TMCC2: variants seen among roughly 807,000 people sequenced by gnomAD.
TMCC2 encodes the protein transmembrane and coiled-coil domains protein 2.
TMCC2 carries 16 observed loss-of-function variants against 49.4 expected under a neutral mutation model. The observed-to-expected ratio is 0.32, with a 90% CI of 0.22 to 0.49. TMCC2 has a LOEUF of 0.49. Ranked by LOEUF, TMCC2 falls within the 20% of genes least tolerant of loss-of-function variation. The probability of loss-of-function intolerance (pLI) is 0.99; values close to 1 mark genes in which losing one functional copy is unlikely to be tolerated. For missense variants in TMCC2, 762 were observed against 989.8 expected (o/e 0.77, Z 3.09); for synonymous variants, 397 against 434.1 (o/e 0.91, Z 1.06).
chr1:205,257,363 A>C (rs1660919618), intron 2 of TMCC2: 2 of 1,232,188 alleles, frequency 1.6e-6, no homozygotes, highest in Admixed American at 4.2e-5. Flanking sequence ...CAGTGCCCAC[A>C]CAGGTGAGGC....
chr1:205,246,521 A>T, intron 2 of TMCC2: 1 of 1,508,408 alleles, frequency 6.6e-7, no homozygotes, highest in South Asian at 1.3e-5. Flanking sequence ...CCTAGCCTCC[A>T]CTGGGGAGAA....
Position 205,271,241 on chromosome 1 carries a change from G to A in TMCC2, c.1804G>A (p.Ala602Thr), listed in dbSNP as rs757798815. Residue 602 changes from alanine (A) to threonine (T), a missense_variant, in exon 4 of 5, where the codon GCA (alanine) becomes ACA (threonine). Ala to Thr is a moderately conservative substitution (Grantham distance 58, BLOSUM62 0). Transcript: ENST00000358024. Reference protein sequence around the residue: ...EKVAYQSYERARDIQEAVESC... With the variant: ...EKVAYQSYERTRDIQEAVESC... ...GGTGGCCTACCAGTCCTATGAGAGG[G>A]CACGGGACATCCAGGTATGGCCAGG... 1.9e-6 allele frequency: 3 copies of A among 1,614,140 alleles called. No homozygotes were observed. Among genetic ancestry groups the A allele is most frequent in the Non-Finnish European group, 2.5e-6 (3 of 1,180,034 alleles).
chr1:205,266,458 C>T (rs1483814551), intron 2 of TMCC2, among the ~76,000 whole-genome samples: 3 of 150,756 alleles, frequency 2.0e-5, no homozygotes, highest in Non-Finnish European at 3.0e-5. Context: ...CCGGGCGTGG[C>T]GGCTCATGCC....
Position 205,241,865 on chromosome 1 carries a change from C to A in TMCC2, c.568C>A (p.Pro190Thr). ...SRRTKSSSLEPQRGSPHLLRK... is the reference protein window; with the variant it reads ...SRRTKSSSLETQRGSPHLLRK... ...GCGCACCAAGAGTAGCTCCCTGGAG[C>A]CCCAGCGTGGCAGCCCTCACCTGCT... Residue 190 changes from proline (P) to threonine (T), a missense_variant, in exon 2 of 5, where the codon CCC becomes ACC. By Grantham distance (38) the Pro-to-Thr change is conservative. This residue lies in a region of TMCC2 where 322 missense variants were observed against 353.1 expected (regional missense o/e 0.91). Coordinates refer to ENST00000358024, the MANE Select transcript of TMCC2 (RefSeq NM_014858.4). The surrounding 1 kb of genome is among the most constrained non-coding windows in gnomAD (Gnocchi z 7.3). The A allele has an allele frequency of 6.2e-7, 1 of 1,602,056 alleles. No homozygotes were observed. The highest frequency in any genetic ancestry group is 1.3e-5 in the African/African-American group (1 of 74,834).
In TMCC2 at chr1:205,254,991, C is replaced by T. The variant is rs564965696; in HGVS notation, c.747+12947C>T. Among the ~76,000 whole-genome samples, 6 of 152,224 alleles carry T rather than the reference C, an allele frequency of 3.9e-5. No individual in the cohort carries two copies. In the South Asian group the frequency reaches 1.2e-3, roughly 32 times the overall value. On this transcript the variant is annotated intron_variant, in intron 2 of 4. Transcript: ENST00000358024. ...CTTTGGGAGGCCAAGGCAGGTGGAT[C>T]GTTTGTGCCCAGGAGTTCAAGGTCA...
In TMCC2 at chr1:205,228,012, G is replaced by A. The variant is rs918887550; in HGVS notation, c.-553G>A. On this transcript the variant is annotated 5_prime_UTR_variant, in exon 1 of 5. Transcript: ENST00000358024. ...GCAGGCTGCGCGTCAGGCGGGGAGC[G>A]GGGCGCGCGGGCCGGGGAGGGGGCC... Among the ~76,000 whole-genome samples the A allele has an allele frequency of 2.0e-5, 3 of 147,658 alleles. No homozygotes were observed. The highest frequency in any genetic ancestry group is 7.3e-5 in the African/African-American group (3 of 40,982).
At chr1:205,249,717 C>T (rs1660593917) in intron 2 of TMCC2, among the ~76,000 whole-genome samples, 1 of 152,242 alleles carries the variant, frequency 6.6e-6, no homozygotes, top group Non-Finnish European at 1.5e-5. Context: ...CCTCTGTTCC[C>T]CTCCTCCATC....
At position 205,241,405 on chromosome 1, in the gene TMCC2, T is replaced by C. The variant is rs1407806870; in HGVS notation, c.208-100T>C. 5 of 1,266,618 alleles carry C rather than the reference T, an allele frequency of 3.9e-6. No homozygotes were observed. Among genetic ancestry groups the C allele is most frequent in the Middle Eastern group, 1.9e-4 (1 of 5,202 alleles). The allele number at this position is 1,266,618 out of a possible 1,614,324, so 78.5% of individuals were successfully genotyped here. ...CAGGTTCAGATGGCTGCATTAGCTA[T>C]GCCAGTCTACCAAGGACAGACCCTT... On this transcript the variant is annotated intron_variant, in intron 1 of 4. Coordinates refer to ENST00000358024, the MANE Select transcript of TMCC2 (RefSeq NM_014858.4). This position sits in a 1 kb window ranked among gnomAD's most constrained non-coding sequence, Gnocchi z 7.3.
At chr1:205,240,242 C>T (rs901822727) in intron 1 of TMCC2, among the ~76,000 whole-genome samples, 1 of 152,258 alleles carries the variant, frequency 6.6e-6, no homozygotes, top group Admixed American at 6.5e-5. Flanking sequence ...ACAGAAGCAG[C>T]TGTCTGGAAT....
chr1:205,268,895 C>T, intron 2 of TMCC2, 55 bp from the exon 3 acceptor site: 1 of 1,548,632 alleles, frequency 6.5e-7, no homozygotes, highest in Non-Finnish European at 8.8e-7. Flanking sequence ...CATCCAGGGG[C>T]ACTCCTATGG....
rs909188394 is a variant in TMCC2 at position 205,246,628 on chromosome 1, G to A, written c.747+4584G>A. 21 of 1,550,300 alleles carry A rather than the reference G, an allele frequency of 1.4e-5. No individual in the cohort carries two copies. The African/African-American group carries it at 1.5e-4, about 11-fold the overall frequency. On this transcript the variant is annotated intron_variant, in intron 2 of 4. Transcript: ENST00000358024. ...TGGAGGAGCCCAGCAGAATGAACCA[G>A]GTTGTTCAGCCCTTAATGAGCAGAC...
chr1:205,261,240 G>C (rs529478057), intron 2 of TMCC2, among the ~76,000 whole-genome samples: 1 of 116,208 alleles, frequency 8.6e-6, no homozygotes, highest in African/African-American at 3.4e-5. Flanking sequence ...TCACTCTGTT[G>C]CCCAGGCTGG....
At position 205,229,884 on chromosome 1, in the gene TMCC2, C is replaced by T. The variant is rs530518788; in HGVS notation, c.207+1113C>T. The stretch of plus-strand genomic sequence containing the variant: ...GCTGAGATAAATAATGCACCTTTGC[C>T]GGAACTGCCACAGGGACTGCAGGCT... On this transcript the variant is annotated intron_variant, in intron 1 of 4. Coordinates refer to ENST00000358024, the MANE Select transcript of TMCC2 (RefSeq NM_014858.4). 1.7e-5 allele frequency: 17 copies of T among 985,394 alleles called. No individual in the cohort carries two copies. In the East Asian group the frequency reaches 1.5e-3, roughly 85 times the overall value. The allele number at this position is 985,394 out of a possible 1,614,324, so 61.0% of individuals were successfully genotyped here.
At chr1:205,231,142 C>T (rs1210658593) in intron 1 of TMCC2, among the ~76,000 whole-genome samples, 2 of 152,038 alleles carry the variant, frequency 1.3e-5, no homozygotes, top group African/African-American at 4.8e-5. Context: ...TGCTTCATCA[C>T]AACATGTTTA....
Position 205,272,322 on chromosome 1 carries a change from C to A in TMCC2, c.*198C>A. The A allele has an allele frequency of 1.8e-6, 2 of 1,138,652 alleles. No homozygotes were observed. Among genetic ancestry groups the A allele is most frequent in the Non-Finnish European group, 2.4e-6 (2 of 831,350 alleles). 70.5% of individuals were successfully genotyped at this position (1,138,652 alleles called of 1,614,324 possible). ...GGCCTGAAGGGAGCTTAGAATGCAG[C>A]CCTACCTGGAGATAGTGCGGGCACC... On this transcript the variant is annotated 3_prime_UTR_variant, in exon 5 of 5. Coordinates refer to ENST00000358024, the MANE Select transcript of TMCC2 (RefSeq NM_014858.4).
In TMCC2 at chr1:205,257,703, G is replaced by C. The variant is rs142734898; in HGVS notation, c.748-11247G>C. ...TGGAGGGGTGTTCCTGGTTGTGGTC[G>C]CTTGTGTCTGTGAAGAAACAGTGAC... is the stretch of plus-strand genomic sequence containing the variant. On this transcript the variant is annotated intron_variant, in intron 2 of 4. Coordinates refer to ENST00000358024, the MANE Select transcript of TMCC2 (RefSeq NM_014858.4). Among the ~76,000 whole-genome samples the C allele has an allele frequency of 9.6e-4, 146 of 152,296 alleles. 2 individuals are homozygous for C. The highest frequency in any genetic ancestry group is 3.3e-3 in the African/African-American group (138 of 41,554).
At chr1:205,236,167 C>T (rs941365109) in intron 1 of TMCC2, among the ~76,000 whole-genome samples, 1 of 151,348 alleles carries the variant, frequency 6.6e-6, no homozygotes, top group Admixed American at 6.6e-5. Flanking sequence ...CCAGGGAAAA[C>T]AAATCTGGCT....
intron 2 of TMCC2, among the ~76,000 whole-genome samples, chr1:205,266,240 C>CA (rs35034505): frequency 0.074 from 3,579 of 48,590 alleles, 179 homozygotes; most frequent in African/African-American, 0.15. Flanking sequence ...GACTCTGTCT[C>CA]AAAAAAAAAA....
chr1:205,246,770 TGAG>T lies in TMCC2; in HGVS notation c.747+4731_747+4733del, dbSNP rs1660469656. The stretch of plus-strand genomic sequence containing the variant: ...GAGTCTCTGGTATGCAGCTATTTTA[TGAG>T]GAGGGAAAACGTGAACCTTGCTGTC... On this transcript the variant is annotated intron_variant, in intron 2 of 4. Transcript: ENST00000358024. 2.8e-6 allele frequency: 4 copies of T among 1,440,748 alleles called. No individual in the cohort carries two copies. The Admixed American group carries it at 8.1e-5, about 29-fold the overall frequency. 89.2% of individuals were successfully genotyped at this position (1,440,748 alleles called of 1,614,324 possible).
Sources: allele counts gnomAD v4.1 joint callset (sites outside exome capture counted in the v4.1 genomes callset), GRCh38; gene constraint gnomAD v4.1.1; regional missense constraint gnomAD v4.1.1; non-coding constraint Gnocchi (gnomAD v3.1); transcripts MANE v1.5; gene names NCBI Gene and HGNC (gene_info 2026-07-23, HGNC 2026-07-21).